The following CNTNAP5 variants were observed in gnomAD, a reference collection of about 807,000 sequenced individuals.
The protein encoded by CNTNAP5 is contactin associated protein family member 5, also known as contactin-associated protein-like 5.
In CNTNAP5, 72 loss-of-function variants were observed where a neutral mutation model predicts 150.2. The observed-to-expected ratio is 0.48, with a 90% CI of 0.40 to 0.58. The LOEUF (loss-of-function observed/expected upper bound fraction) is 0.58, where lower values mean the gene tolerates loss of function less well. Among genes scored for constraint, CNTNAP5 ranks in the 20% least tolerant of loss-of-function variants. CNTNAP5 has a pLI of 0.00. For missense variants in CNTNAP5, 1,636 were observed against 1,626.2 expected (o/e 1.01, Z -0.10); for synonymous variants, 672 against 619.8 (o/e 1.08, Z -1.25).
In CNTNAP5 at chr2:124,647,975, C is replaced by A; in HGVS notation, c.2077+17C>A. 1 of 1,578,580 alleles carries A rather than the reference C, an allele frequency of 6.3e-7. No individual in the cohort carries two copies. The highest frequency in any genetic ancestry group is 8.6e-7 in the Non-Finnish European group (1 of 1,162,010). ...ACACGCCGGGTAAGGCCTCTGCATG[C>A]ATGACCACAGTGGGATAGATGGGAC... On this transcript the variant is annotated intron_variant, in intron 13 of 23. Transcript: ENST00000682447.
chr2:124,398,972 TCA>T (rs1691334005), intron 3 of CNTNAP5, among the ~76,000 whole-genome samples: 1 of 152,220 alleles, frequency 6.6e-6, no homozygotes, highest in Admixed American at 6.5e-5. Context: ...AGGCCAGATC[TCA>T]GAGTTTACAG....
At chr2:124,604,839 A>C (rs1442680162) in intron 11 of CNTNAP5, among the ~76,000 whole-genome samples, 1 of 152,200 alleles carries the variant, frequency 6.6e-6, no homozygotes, top group Non-Finnish European at 1.5e-5. Context: ...AAATCACCCC[A>C]AGATCTCAAT....
At chr2:124,853,073 G>T (rs1318433957) in intron 19 of CNTNAP5, among the ~76,000 whole-genome samples, 2 of 152,222 alleles carry the variant, frequency 1.3e-5, no homozygotes, top group African/African-American at 4.8e-5. Context: ...TCAACATGGA[G>T]AAGAGCCTGC....
chr2:124,519,925 A>G (rs903664983), intron 8 of CNTNAP5, among the ~76,000 whole-genome samples: 1 of 152,220 alleles, frequency 6.6e-6, no homozygotes, highest in Non-Finnish European at 1.5e-5. Context: ...GAGAGAAGCC[A>G]TGAGAACAAA....
chr2:124,292,182 A>G (rs891804627), intron 3 of CNTNAP5, among the ~76,000 whole-genome samples: 24 of 152,018 alleles, frequency 1.6e-4, no homozygotes, highest in Non-Finnish European at 3.4e-4. Flanking sequence ...ATTTAGTTTT[A>G]TCTCTCTTTT....
At chr2:124,148,032 A>G (rs747171648) in intron 1 of CNTNAP5, among the ~76,000 whole-genome samples, 2 of 152,198 alleles carry the variant, frequency 1.3e-5, no homozygotes, top group Non-Finnish European at 2.9e-5. Context: ...GGCTGCGGGC[A>G]CTTTCACTCA....
chr2:124,199,764 C>T (rs1395943261), intron 1 of CNTNAP5, among the ~76,000 whole-genome samples: 1 of 152,136 alleles, frequency 6.6e-6, no homozygotes, highest in Non-Finnish European at 1.5e-5. Context: ...TTTAAAATCA[C>T]CTTTTCAATT....
chr2:124,135,961 A>T (rs1435946392), intron 1 of CNTNAP5, among the ~76,000 whole-genome samples: 1 of 152,140 alleles, frequency 6.6e-6, no homozygotes, highest in Non-Finnish European at 1.5e-5. Context: ...ACTCCTGTAC[A>T]ATGGAGTCTT....
At chr2:124,827,897 G>T (rs1054499841) in intron 19 of CNTNAP5, among the ~76,000 whole-genome samples, 1 of 152,044 alleles carries the variant, frequency 6.6e-6, no homozygotes, top group African/African-American at 2.4e-5. Context: ...TTGGACCAAG[G>T]CTCTTCGTAT....
intron 16 of CNTNAP5, among the ~76,000 whole-genome samples, chr2:124,770,969 G>A (rs564554994): frequency 1.3e-5 from 2 of 152,288 alleles, no homozygotes; most frequent in African/African-American, 4.8e-5. Context: ...TAGCTGCAGA[G>A]TCTAAGCTCT....
chr2:124,145,786 A>C (rs1215052523), intron 1 of CNTNAP5, among the ~76,000 whole-genome samples: 1 of 127,236 alleles, frequency 7.9e-6, no homozygotes, highest in African/African-American at 3.1e-5. Context: ...CTAAAACTTA[A>C]AGTATAATAA....
At position 124,059,721 on chromosome 2, in the gene CNTNAP5, A is replaced by G. The variant is rs527454008; in HGVS notation, c.82+33989A>G. 2.0e-5 allele frequency among the ~76,000 whole-genome samples: 3 copies of G among 152,162 alleles called. No homozygotes were observed. The South Asian group carries it at 6.2e-4, about 32-fold the overall frequency. ...GCCATTTCCCTGGCATGTTGCTGTC[A>G]GCCTTGATTGTCTTCTGTTTGGCAT... On this transcript the variant is annotated intron_variant, in intron 1 of 23. Coordinates refer to ENST00000682447, the MANE Select transcript of CNTNAP5 (RefSeq NM_001367498.1).
intron 1 of CNTNAP5, among the ~76,000 whole-genome samples, chr2:124,188,765 G>A (rs1371183423): frequency 6.7e-6 from 1 of 149,906 alleles, no homozygotes; most frequent in South Asian, 2.1e-4. Flanking sequence ...AAGTGAGAGA[G>A]AGAAAGAGAG....
chr2:124,077,706 G>T (rs1006216227), intron 1 of CNTNAP5, among the ~76,000 whole-genome samples: 2 of 152,210 alleles, frequency 1.3e-5, no homozygotes, highest in East Asian at 3.9e-4. Context: ...CTGATTCTTT[G>T]TCCTCAATTA....
intron 3 of CNTNAP5, among the ~76,000 whole-genome samples, chr2:124,332,559 A>G (rs1035176651): frequency 5.3e-5 from 8 of 151,542 alleles, no homozygotes; most frequent in Non-Finnish European, 7.4e-5. Context: ...ATGTTTAATA[A>G]GTAATGTTTT....
At position 124,914,195 on chromosome 2, in the gene CNTNAP5, G is replaced by C; in HGVS notation, c.3831G>C (p.Glu1277Asp). The C allele has an allele frequency of 1.2e-6, 2 of 1,612,604 alleles. No individual in the cohort carries two copies. Among genetic ancestry groups the C allele is most frequent in the Non-Finnish European group, 1.7e-6 (2 of 1,179,016 alleles). Residue 1277 changes from glutamate (E) to aspartate (D), a missense_variant, in exon 24 of 24, where the codon GAG becomes GAC. By Grantham distance (45) the Glu-to-Asp change is conservative. Transcript: ENST00000682447. The stretch of plus-strand genomic sequence containing the variant: ...CACATCGTACGAGCCAGATGAAGGA[G>C]AAGGAATATCCAGAAAATTTGGACA... ...KQSHRTSQMKEKEYPENLDSS... is the reference protein window; with the variant it reads ...KQSHRTSQMKDKEYPENLDSS...
At chr2:124,296,553 C>T (rs1327931617) in intron 3 of CNTNAP5, among the ~76,000 whole-genome samples, 1 of 152,142 alleles carries the variant, frequency 6.6e-6, no homozygotes, top group Non-Finnish European at 1.5e-5. Flanking sequence ...CCTGTCCCTC[C>T]ACTCATTGGT....
chr2:124,869,849 G>A, intron 21 of CNTNAP5, 87 bp downstream of exon 21: 1 of 773,514 alleles, frequency 1.3e-6, no homozygotes, highest in Non-Finnish European at 2.1e-6. Context: ...AAGGATTCAG[G>A]TCTGGAGCCT....
chr2:124,252,298 C>A (rs930342684), intron 3 of CNTNAP5, among the ~76,000 whole-genome samples: 11 of 152,176 alleles, frequency 7.2e-5, no homozygotes, highest in African/African-American at 2.7e-4. Context: ...CTGTGCTTAC[C>A]AGAGAAGCTT....
Sources: allele counts gnomAD v4.1 joint callset (sites outside exome capture counted in the v4.1 genomes callset), GRCh38; gene constraint gnomAD v4.1.1; transcripts MANE v1.5; gene names NCBI Gene and HGNC (gene_info 2026-07-23, HGNC 2026-07-21).